FAM120A: variants seen among roughly 807,000 people sequenced by gnomAD.
FAM120A encodes the protein family with sequence similarity 120 member A.
FAM120A carries 15 observed loss-of-function variants against 109.7 expected under a neutral mutation model. That is an observed-to-expected ratio of 0.14 (90% confidence interval 0.09 to 0.21). The LOEUF (loss-of-function observed/expected upper bound fraction) is 0.21. Among genes scored for constraint, FAM120A ranks in the 10% least tolerant of loss-of-function variants. FAM120A has a pLI of 1.00. For missense variants in FAM120A, 899 were observed against 1,439.3 expected (o/e 0.62, Z 6.07); for synonymous variants, 493 against 572.8 (o/e 0.86, Z 1.99).
intron 2 of FAM120A, among the ~76,000 whole-genome samples, chr9:93,475,665 A>T (rs1858517974): frequency 6.6e-6 from 1 of 152,204 alleles, no homozygotes; most frequent in Admixed American, 6.5e-5. Context: ...AGCACTGGTG[A>T]TAGGATGAGC....
intron 12 of FAM120A, among the ~76,000 whole-genome samples, chr9:93,552,854 G>A (rs1018418036): frequency 2.0e-5 from 3 of 152,182 alleles, no homozygotes; most frequent in Non-Finnish European, 2.9e-5. Context: ...TACCCAGTTT[G>A]TGGATTGCCC....
At chr9:93,468,705 T>C (rs937527337) in intron 1 of FAM120A, among the ~76,000 whole-genome samples, 13 of 152,376 alleles carry the variant, frequency 8.5e-5, no homozygotes, top group Middle Eastern at 3.4e-3. Context: ...TACAGCGTAG[T>C]GGCTGTGTCT....
At chr9:93,490,044 G>A (rs1859245447) in intron 3 of FAM120A, among the ~76,000 whole-genome samples, 1 of 152,248 alleles carries the variant, frequency 6.6e-6, no homozygotes, top group Non-Finnish European at 1.5e-5. Flanking sequence ...CAAGAAGAAT[G>A]AGAGTTTCTC....
chr9:93,560,960 T>C (rs934584030), intron 15 of FAM120A, 149 bp from the exon 16 acceptor site: 5 of 818,364 alleles, frequency 6.1e-6, no homozygotes, highest in Non-Finnish European at 9.5e-6. Flanking sequence ...ATAGATACAC[T>C]ACATAATAAA....
rs1424072280 is a variant in FAM120A, at chr9:93,529,490, G to A, written c.1644G>A (p.Leu548=). 6.2e-7 allele frequency: 1 copy of A among 1,614,018 alleles called. No individual in the cohort carries two copies. The highest frequency in any genetic ancestry group is 8.5e-7 in the Non-Finnish European group (1 of 1,180,012). ...ACATGGACATCACCACACCTCCCCT[G>A]CCCCCCGTCGCACCTGAGGTGCTGA... The part of the protein sequence containing the change: ...RNHMDITTPP[L]PPVAPEVLRV... Residue 548 remains leucine, a synonymous_variant, in exon 9 of 18, where the codon CTG becomes CTA. Transcript: ENST00000277165.
At chr9:93,536,237 T>C (rs1050052222) in intron 10 of FAM120A, among the ~76,000 whole-genome samples, 1 of 152,190 alleles carries the variant, frequency 6.6e-6, no homozygotes, top group African/African-American at 2.4e-5. Context: ...TGGAAGAAGA[T>C]CCATAAGCCA....
intron 1 of FAM120A, among the ~76,000 whole-genome samples, chr9:93,457,830 A>G (rs147998212): frequency 6.6e-6 from 1 of 151,576 alleles, no homozygotes; most frequent in African/African-American, 2.4e-5. Flanking sequence ...TTAAAATTAA[A>G]CCTATCAAAA....
At chr9:93,455,958 G>T (rs1234067078) in intron 1 of FAM120A, among the ~76,000 whole-genome samples, 5 of 152,220 alleles carry the variant, frequency 3.3e-5, no homozygotes, top group Non-Finnish European at 7.3e-5. Flanking sequence ...ACTGCGCCTG[G>T]CCAGGAGAAA....
chr9:93,513,514 A>C (rs1264934556), intron 5 of FAM120A, among the ~76,000 whole-genome samples: 1 of 152,168 alleles, frequency 6.6e-6, no homozygotes, highest in African/African-American at 2.4e-5. Flanking sequence ...GGTGTCTGTG[A>C]CTACACACAT....
intron 3 of FAM120A, among the ~76,000 whole-genome samples, chr9:93,484,589 T>G (rs1246183679): frequency 1.3e-5 from 2 of 152,094 alleles, no homozygotes; most frequent in Non-Finnish European, 2.9e-5. Context: ...TTATTATTAT[T>G]TTAAGACAGA....
At chr9:93,546,603 C>T (rs1023211474) in intron 11 of FAM120A, among the ~76,000 whole-genome samples, 1 of 152,196 alleles carries the variant, frequency 6.6e-6, no homozygotes, top group Non-Finnish European at 1.5e-5. Flanking sequence ...GTCTCCCAGC[C>T]CACTCTTTTG....
intron 5 of FAM120A, among the ~76,000 whole-genome samples, chr9:93,505,294 T>C (rs1859995374): frequency 6.6e-6 from 1 of 152,050 alleles, no homozygotes. Context: ...TCTCCTGACC[T>C]CGTGATCCGC....
chr9:93,452,407 G>T lies in FAM120A; in HGVS notation c.474+18G>T. ...ACGTCAAGGTGAGGCCGGGGATCCGGGCGGGCCGGGGACCGGGGCCGCGCC... is the reference window on the plus strand; with the variant it reads ...ACGTCAAGGTGAGGCCGGGGATCCGTGCGGGCCGGGGACCGGGGCCGCGCC... On this transcript the variant is annotated intron_variant, in intron 1 of 17. Transcript: ENST00000277165. The surrounding 1 kb of genome is among the most constrained non-coding windows in gnomAD (Gnocchi z 7.0). 6.3e-7 allele frequency: 1 copy of T among 1,591,048 alleles called. No homozygotes were observed. The highest frequency in any genetic ancestry group is 8.5e-7 in the Non-Finnish European group (1 of 1,169,872).
chr9:93,536,248 A>C (rs1325064853), intron 10 of FAM120A, among the ~76,000 whole-genome samples: 1 of 152,210 alleles, frequency 6.6e-6, no homozygotes, highest in Non-Finnish European at 1.5e-5. Context: ...CCATAAGCCA[A>C]AGAAAGAGTC....
intron 2 of FAM120A, among the ~76,000 whole-genome samples, chr9:93,475,350 C>CT (rs1239904005): frequency 6.6e-6 from 1 of 152,168 alleles, no homozygotes; most frequent in Non-Finnish European, 1.5e-5. Context: ...ATTTTACAGA[C>CT]TTTACATCAT....
intron 3 of FAM120A, among the ~76,000 whole-genome samples, chr9:93,482,184 A>ATTTTTTTT (rs386415495): frequency 4.2e-5 from 5 of 118,348 alleles, no homozygotes; most frequent in Non-Finnish European, 7.0e-5. Flanking sequence ...ATTCACCTCC[A>ATTTTTTTT]TTTTTTTTTT....
chr9:93,492,723 C>T (rs977314767), intron 3 of FAM120A, among the ~76,000 whole-genome samples: 13 of 152,148 alleles, frequency 8.5e-5, no homozygotes, highest in South Asian at 2.1e-4. Context: ...AAATTATAAA[C>T]GGCCGGTGTT....
rs1857246794 is a variant in FAM120A at position 93,451,952 on chromosome 9, C to T, written c.37C>T (p.His13Tyr). The T allele has an allele frequency of 2.0e-6, 3 of 1,532,686 alleles. No individual in the cohort carries two copies. Among genetic ancestry groups the T allele is most frequent in the Non-Finnish European group, 1.8e-6 (2 of 1,142,286 alleles). 94.9% of individuals were successfully genotyped at this position (1,532,686 alleles called of 1,614,324 possible). The change falls in exon 1 of 18, where the codon CAC becomes TAC. Residue 13 changes from histidine to tyrosine, a missense_variant. By Grantham distance (83) the His-to-Tyr change is moderately conservative. Around this residue, in one of 11 missense-constraint regions of FAM120A, gnomAD observed 258 missense variants for 451.4 expected, o/e 0.57. Transcript: ENST00000277165. The part of the protein sequence containing the change: ...VQGFQDYIEK[H>Y]CPSAVVPVEL... The stretch of plus-strand genomic sequence containing the variant: ...GGGCTTCCAGGACTACATCGAGAAG[C>T]ACTGCCCGAGCGCCGTGGTGCCGGT...
At chr9:93,557,579 A>G (rs1002238916) in intron 13 of FAM120A, among the ~76,000 whole-genome samples, 1 of 152,268 alleles carries the variant, frequency 6.6e-6, no homozygotes, top group Non-Finnish European at 1.5e-5. Flanking sequence ...AGCTGGGGTC[A>G]GTGCATCAGG....
Sources: gnomAD v4.1 joint callset for allele counts (sites outside exome capture counted in the v4.1 genomes callset) on GRCh38, gnomAD v4.1.1 for gene constraint, gnomAD v4.1.1 regional missense constraint, Gnocchi (gnomAD v3.1) non-coding constraint, MANE v1.5 for transcripts, NCBI Gene and HGNC (gene_info 2026-07-23, HGNC 2026-07-21) for gene names.